KMT2C: variants seen among roughly 807,000 people sequenced by gnomAD.
The protein encoded by KMT2C is lysine methyltransferase 2C.
Under a neutral mutation model 507.9 loss-of-function variants are expected in KMT2C, and 88 were observed. That is an observed-to-expected ratio of 0.17 (90% CI 0.15 to 0.21). KMT2C has a LOEUF of 0.21. KMT2C is among the 10% of genes least tolerant of loss of function. KMT2C has a pLI of 1.00. For missense variants in KMT2C, 4,954 were observed against 5,957.8 expected (o/e 0.83, Z 5.55); for synonymous variants, 2,049 against 2,080.8 (o/e 0.98, Z 0.42).
In KMT2C at chr7:152,162,736, T is replaced by C. The variant is rs746303767; in HGVS notation, c.10841A>G (p.Asp3614Gly). The stretch of plus-strand genomic sequence containing the variant: ...TGGAGCCTTGGTGGATTCTGCATCA[T>C]CATCTCTTTTCTTCTTTCTTGTTCT... The part of the protein sequence containing the change: ...KKRTRKKKRD[D>G]DAESTKAPST... The change falls in exon 43 of 59, where the codon GAT becomes GGT. Residue 3614 changes from aspartate (D) to glycine (G), a missense_variant. Physicochemically the swap from Asp to Gly is moderately conservative, Grantham distance 94. Coordinates refer to ENST00000262189, the MANE Select transcript of KMT2C (RefSeq NM_170606.3). The C allele has an allele frequency of 2.5e-6, 4 of 1,614,242 alleles. No homozygotes were observed. Among genetic ancestry groups the C allele is most frequent in the Non-Finnish European group, 1.7e-6 (2 of 1,180,044 alleles).
At chr7:152,229,388 C>G (rs1393445607) in intron 18 of KMT2C, among the ~76,000 whole-genome samples, 2 of 152,092 alleles carry the variant, frequency 1.3e-5, no homozygotes, top group South Asian at 2.1e-4. Context: ...CACACGATAC[C>G]ACTTAAAAGG....
intron 6 of KMT2C, among the ~76,000 whole-genome samples, chr7:152,307,412 G>A (rs1439370886): frequency 6.6e-6 from 1 of 151,674 alleles, no homozygotes; most frequent in African/African-American, 2.4e-5. Flanking sequence ...AAGGAAGAAG[G>A]ACAAAACAAA....
rs1198342837 is a variant in KMT2C, at chr7:152,329,852, T to C, written c.389+749A>G. Among the ~76,000 whole-genome samples, 51 of 152,046 alleles carry C rather than the reference T, an allele frequency of 3.4e-4. 1 individual carries two copies. The highest frequency in any genetic ancestry group is 2.4e-5 in the African/African-American group (1 of 41,482). On this transcript the variant is annotated intron_variant, in intron 3 of 58. Coordinates refer to ENST00000262189, the MANE Select transcript of KMT2C (RefSeq NM_170606.3). ...AAAACTTCAAAGCTGAATTATACAA[T>C]GATATATTACAGGCCCAGTGTAGTG...
chr7:152,315,363 GA>G, intron 3 of KMT2C, 25 bp from the exon 4 acceptor site: 1 of 1,572,804 alleles, frequency 6.4e-7, no homozygotes, highest in East Asian at 2.2e-5. Flanking sequence ...ATGTAAGTCA[GA>G]GAAGGAGAAA....
At chr7:152,158,792 G>C (rs2092266172) in intron 44 of KMT2C, 71 bp downstream of exon 44, 2 of 1,407,248 alleles carry the variant, frequency 1.4e-6, no homozygotes, top group South Asian at 1.2e-5. Flanking sequence ...TGGGATTACA[G>C]GCATGAGCCA....
chr7:152,210,362 A>C (rs1353582027), intron 23 of KMT2C, among the ~76,000 whole-genome samples: 1 of 152,202 alleles, frequency 6.6e-6, no homozygotes, highest in African/African-American at 2.4e-5. Context: ...TTTAAAAAAT[A>C]AAAATACTAT....
At chr7:152,209,675 G>A (rs1316209688) in intron 23 of KMT2C, among the ~76,000 whole-genome samples, 3 of 150,904 alleles carry the variant, frequency 2.0e-5, no homozygotes, top group Non-Finnish European at 4.4e-5. Flanking sequence ...AGAAGGTTGA[G>A]GCTACAGTGA....
intron 2 of KMT2C, among the ~76,000 whole-genome samples, chr7:152,345,612 C>A (rs1204698824): frequency 4.6e-5 from 7 of 152,290 alleles, no homozygotes; most frequent in Middle Eastern, 6.8e-3. Flanking sequence ...GCAACCTCCA[C>A]CTCCTGGATT....
intron 14 of KMT2C, among the ~76,000 whole-genome samples, chr7:152,241,009 TAAAAGAC>T (rs929688678): frequency 1.1e-4 from 16 of 152,298 alleles, no homozygotes; most frequent in African/African-American, 3.8e-4. Context: ...TCAGAGCACT[TAAAAGAC>T]AAACCTTTCC....
In KMT2C at chr7:152,152,748, G is replaced by A. The variant is rs964015144; in HGVS notation, c.12483C>T (p.Tyr4161=). Residue 4161 remains tyrosine (Y), a synonymous_variant, in exon 49 of 59, where the codon TAC becomes TAT. Coordinates refer to ENST00000262189, the MANE Select transcript of KMT2C (RefSeq NM_170606.3). ...ATGGTACATTAGGCTGCTTCAGCCGGTAAGAGCTCACTAATCTGGGAGGGT... is the reference window on the plus strand; with the variant it reads ...ATGGTACATTAGGCTGCTTCAGCCGATAAGAGCTCACTAATCTGGGAGGGT... ...SANPPRLVSS[Y]RLKQPNVPFP... is the part of the protein sequence containing the mutation. 4 of 1,614,100 alleles carry A rather than the reference G, an allele frequency of 2.5e-6. No individual in the cohort carries two copies. In the African/African-American group the frequency reaches 5.3e-5, roughly 22 times the overall value.
Position 152,137,017 on chromosome 7 carries a change from C to T in KMT2C, c.14644-93G>A, listed in dbSNP as rs191450408. 119 of 922,622 alleles carry T rather than the reference C, an allele frequency of 1.3e-4. 1 individual carries two copies. In the African/African-American group the frequency reaches 1.5e-3, roughly 11 times the overall value. 57.2% of individuals were successfully genotyped at this position (922,622 alleles called of 1,614,324 possible). A position where few individuals can be genotyped will look rare whatever the true frequency, so the allele number is the denominator to read the frequency against. On this transcript the variant is annotated intron_variant, in intron 58 of 58. Coordinates refer to ENST00000262189, the MANE Select transcript of KMT2C (RefSeq NM_170606.3). ...TCCCTTGCATTTTAAAACCAGCAAA[C>T]GAAACAGACGTAAATTAAGGAAGAC...
rs1276871263 is a variant in KMT2C, at chr7:152,157,836, C to T, written c.11670+1027G>A. The T allele has an allele frequency of 7.5e-7, 1 of 1,333,134 alleles. No individual in the cohort carries two copies. The highest frequency in any genetic ancestry group is 9.9e-7 in the Non-Finnish European group (1 of 1,012,056). The allele number at this position is 1,333,134 out of a possible 1,614,324, so 82.6% of individuals were successfully genotyped here. On this transcript the variant is annotated intron_variant, in intron 44 of 58. Coordinates refer to ENST00000262189, the MANE Select transcript of KMT2C (RefSeq NM_170606.3). Reference sequence around the variant, plus strand: ...TGCCAAAAGTTCCTAGAAGTCGATTCCCACTATTAAATTGGCCACTGCCAT... The same window carrying T: ...TGCCAAAAGTTCCTAGAAGTCGATTTCCACTATTAAATTGGCCACTGCCAT...
chr7:152,423,452 A>G (rs1589951331), intron 1 of KMT2C, among the ~76,000 whole-genome samples: 2 of 152,358 alleles, frequency 1.3e-5, no homozygotes, highest in East Asian at 1.9e-4. Context: ...TATTTCTTCA[A>G]AGGAGGAGGC....
intron 6 of KMT2C, among the ~76,000 whole-genome samples, chr7:152,290,296 T>A (rs868514444): frequency 0.02 from 354 of 17,354 alleles, no homozygotes; most frequent in Admixed American, 0.025. Flanking sequence ...ATATATATAT[T>A]TTTTTTTTTT....
chr7:152,307,520 C>T (rs1439316398), intron 6 of KMT2C, among the ~76,000 whole-genome samples: 3 of 152,026 alleles, frequency 2.0e-5, no homozygotes, highest in Admixed American at 2.0e-4. Flanking sequence ...ACCACTAGAT[C>T]CCTTCTAATC....
intron 27 of KMT2C, among the ~76,000 whole-genome samples, chr7:152,197,574 G>GA (rs1436180128): frequency 4.6e-5 from 7 of 151,808 alleles, no homozygotes; most frequent in Non-Finnish European, 7.4e-5. Flanking sequence ...GTAGTTGAAT[G>GA]AAAAAAAATC....
At chr7:152,188,292 A>G (rs1435369334) in intron 31 of KMT2C, among the ~76,000 whole-genome samples, 1 of 152,206 alleles carries the variant, frequency 6.6e-6, no homozygotes, top group Non-Finnish European at 1.5e-5. Flanking sequence ...AGTGTTCTGG[A>G]GTCCAAAAGC....
intron 1 of KMT2C, among the ~76,000 whole-genome samples, chr7:152,434,460 A>C (rs2097896744): frequency 6.6e-6 from 1 of 152,164 alleles, no homozygotes; most frequent in Non-Finnish European, 1.5e-5. Context: ...TTTTACTACA[A>C]ATCACCAAAC....
At chr7:152,381,533 C>A (rs1029132831) in intron 1 of KMT2C, among the ~76,000 whole-genome samples, 4 of 152,146 alleles carry the variant, frequency 2.6e-5, no homozygotes, top group Non-Finnish European at 5.9e-5. Flanking sequence ...ATTCCCTCTT[C>A]CATAGTAATT....
Sources: gnomAD v4.1 joint callset for allele counts (sites outside exome capture counted in the v4.1 genomes callset) on GRCh38, gnomAD v4.1.1 for gene constraint, MANE v1.5 for transcripts, NCBI Gene and HGNC (gene_info 2026-07-23, HGNC 2026-07-21) for gene names.